NSL1: variants seen among roughly 807,000 people sequenced by gnomAD.
The protein encoded by NSL1 is kinetochore-associated protein NSL1 homolog.
Under a neutral mutation model 25.4 loss-of-function variants are expected in NSL1, and 11 were observed. That is an observed-to-expected ratio of 0.43 (90% confidence interval 0.27 to 0.72). The LOEUF (loss-of-function observed/expected upper bound fraction) is 0.72, where lower values mean the gene tolerates loss of function less well. NSL1 is among the 30% of genes least tolerant of loss of function. The pLI, the probability that NSL1 is intolerant of heterozygous loss-of-function variation, is 0.19. For synonymous variants in NSL1, 118 were observed against 120.6 expected, an observed-to-expected ratio of 0.98 and a Z score of 0.14; for missense variants, 330 against 342.7, an observed-to-expected ratio of 0.96 and a Z score of 0.29.
At chr1:212,789,061 C>G (rs1176903000) in intron 1 of NSL1, among the ~76,000 whole-genome samples, 1 of 152,102 alleles carries the variant, frequency 6.6e-6, no homozygotes, top group African/African-American at 2.4e-5. Flanking sequence ...CTTTATGCTA[C>G]TGTTTGAATT....
rs10717383 is a variant in NSL1 at position 212,749,339 on chromosome 1, G to GTTTTTTTTTTT, written c.500-9749_500-9739dup. Reference sequence around the variant, plus strand: ...CTTAAGGGATTTTGCGTTTTATTGTGTTTTTTTTTTTTTTTTTTTTTTTGA... The same window carrying GTTTTTTTTTTT: ...CTTAAGGGATTTTGCGTTTTATTGTGTTTTTTTTTTTTTTTTTTTTTTTTTTTTTTTTTTGA... On this transcript the variant is annotated intron_variant, in intron 4 of 5. Transcript: ENST00000366977. 3.6e-4 allele frequency among the ~76,000 whole-genome samples: 28 copies of GTTTTTTTTTTT among 76,930 alleles called. 1 individual carries two copies. The highest frequency in any genetic ancestry group is 1.0e-3 in the South Asian group (2 of 1,956). The allele number at this position is 76,930 out of a possible 152,430, so 50.5% of individuals were successfully genotyped here.
chr1:212,760,176 A>C lies in NSL1; in HGVS notation c.500-20575T>G, dbSNP rs1418289775. On this transcript the variant is annotated intron_variant, in intron 4 of 5. Transcript: ENST00000366977. The surrounding 1 kb of genome is among the most constrained non-coding windows in gnomAD (Gnocchi z 4.3). ...CACACACACCATAAGGGAGCTTAAC[A>C]GCAGGTCCAGCCTGTGGGCCACTGG... Among the ~76,000 whole-genome samples, 1 of 152,068 alleles carries C rather than the reference A, an allele frequency of 6.6e-6. No individual in the cohort carries two copies. Among genetic ancestry groups the C allele is most frequent in the Non-Finnish European group, 1.5e-5 (1 of 67,992 alleles).
At position 212,760,525 on chromosome 1, in the gene NSL1, G is replaced by A. The variant is rs1328982055; in HGVS notation, c.500-20924C>T. 6.6e-6 allele frequency among the ~76,000 whole-genome samples: 1 copy of A among 152,070 alleles called. No homozygotes were observed. The highest frequency in any genetic ancestry group is 1.5e-5 in the Non-Finnish European group (1 of 67,990). On this transcript the variant is annotated intron_variant, in intron 4 of 5. Coordinates refer to ENST00000366977, the MANE Select transcript of NSL1 (RefSeq NM_015471.4). The surrounding 1 kb of genome is among the most constrained non-coding windows in gnomAD (Gnocchi z 4.3). ...CACACACTCCTCCCCAGGGCTTGAG[G>A]ACGGGCCTGACTAGCCTATCATCAC...
chr1:212,770,450 C>T (rs1660049855), intron 4 of NSL1, among the ~76,000 whole-genome samples: 1 of 151,942 alleles, frequency 6.6e-6, no homozygotes, highest in Non-Finnish European at 1.5e-5. Context: ...ACATATACAA[C>T]CTACGTTGAT....
intron 4 of NSL1, among the ~76,000 whole-genome samples, chr1:212,744,648 T>C (rs1448973528): frequency 6.6e-6 from 1 of 152,066 alleles, no homozygotes; most frequent in African/African-American, 2.4e-5. Context: ...GAACAGAGAA[T>C]ACCAATGGCA....
Position 212,726,891 on chromosome 1 carries a change from GTCCC to G in NSL1, c.*11513_*11516del, listed in dbSNP as rs1241068882. ...AGCCCGGTCCCAGGGGCTGGATGGT[GTCCC>G]TCCCTCTGATGGACACCAGCACAGC... On this transcript the variant is annotated 3_prime_UTR_variant, in exon 6 of 6. Transcript: ENST00000366977. 2.5e-6 allele frequency: 1 copy of G among 392,560 alleles called. No homozygotes were observed. Among genetic ancestry groups the G allele is most frequent in the Non-Finnish European group, 4.5e-6 (1 of 221,356 alleles). 24.3% of individuals were successfully genotyped at this position (392,560 alleles called of 1,614,324 possible). A position where few individuals can be genotyped will look rare whatever the true frequency, so the allele number is the denominator to read the frequency against.
At chr1:212,743,829 C>T (rs1263403638) in intron 4 of NSL1, among the ~76,000 whole-genome samples, 2 of 152,074 alleles carry the variant, frequency 1.3e-5, no homozygotes, top group Non-Finnish European at 2.9e-5. Flanking sequence ...TTACCCTTGC[C>T]CCATTCCCTT....
rs1658269492 is a variant in NSL1 at position 212,737,333 on chromosome 1, T to C, written c.*1075A>G. 1.0e-6 allele frequency: 1 copy of C among 984,646 alleles called. No individual in the cohort carries two copies. The highest frequency in any genetic ancestry group is 1.7e-5 in the African/African-American group (1 of 57,232). 61.0% of individuals were successfully genotyped at this position (984,646 alleles called of 1,614,324 possible). The stretch of plus-strand genomic sequence containing the variant: ...GAATCTAGACATTTATGATTATTAA[T>C]ACATAATAAGCAAGAGAAATACAGA... On this transcript the variant is annotated 3_prime_UTR_variant, in exon 6 of 6. Coordinates refer to ENST00000366977, the MANE Select transcript of NSL1 (RefSeq NM_015471.4).
chr1:212,773,329 T>A (rs1370301794), intron 4 of NSL1, among the ~76,000 whole-genome samples: 3 of 147,114 alleles, frequency 2.0e-5, no homozygotes, highest in Non-Finnish European at 4.5e-5. Context: ...CTCAAATAAC[T>A]CAACAGCAAA....
At chr1:212,789,124 C>T (rs1661069259) in intron 1 of NSL1, among the ~76,000 whole-genome samples, 1 of 152,132 alleles carries the variant, frequency 6.6e-6, no homozygotes, top group Admixed American at 6.5e-5. Context: ...TAACATAAAC[C>T]AAATTACTGA....
chr1:212,744,308 A>G (rs1658654636), intron 4 of NSL1, among the ~76,000 whole-genome samples: 1 of 152,220 alleles, frequency 6.6e-6, no homozygotes, highest in Non-Finnish European at 1.5e-5. Flanking sequence ...GACTACAAAC[A>G]ACAAAAAACA....
chr1:212,764,570 T>G (rs1374104784), intron 4 of NSL1, among the ~76,000 whole-genome samples: 1 of 151,972 alleles, frequency 6.6e-6, no homozygotes, highest in East Asian at 1.9e-4. Context: ...TAAGCTCAAT[T>G]CACGGTGGCT....
At chr1:212,741,587 G>A (rs563524528) in intron 4 of NSL1, among the ~76,000 whole-genome samples, 1 of 152,260 alleles carries the variant, frequency 6.6e-6, no homozygotes, top group Non-Finnish European at 1.5e-5. Context: ...CTCTTCCTTT[G>A]CCTTCTGCCA....
rs1189092177 is a variant in NSL1 at position 212,780,307 on chromosome 1, G to A, written c.499+2065C>T. On this transcript the variant is annotated intron_variant, in intron 4 of 5. Coordinates refer to ENST00000366977, the MANE Select transcript of NSL1 (RefSeq NM_015471.4). ...TGTTAAACAGATGCTTGAAGGCAGCGTGCTCGTTGAGAGTCATCACCACTC... is the reference window on the plus strand; with the variant it reads ...TGTTAAACAGATGCTTGAAGGCAGCATGCTCGTTGAGAGTCATCACCACTC... Among the ~76,000 whole-genome samples, 7 of 149,982 alleles carry A rather than the reference G, an allele frequency of 4.7e-5. No individual in the cohort carries two copies. The East Asian group carries it at 5.8e-4, about 12-fold the overall frequency.
At position 212,768,677 on chromosome 1, in the gene NSL1, T is replaced by A. The variant is rs1373625210; in HGVS notation, c.499+13695A>T. Among the ~76,000 whole-genome samples the A allele has an allele frequency of 3.9e-5, 6 of 152,272 alleles. No individual in the cohort carries two copies. In the South Asian group the frequency reaches 8.3e-4, roughly 21 times the overall value. On this transcript the variant is annotated intron_variant, in intron 4 of 5. Transcript: ENST00000366977. ...ATAAGTGGGAGCTAAGCTATGAGGA[T>A]GCAAAGGCATAAGAATGATATAATA...
chr1:212,754,441 T>C (rs1659205305), intron 4 of NSL1, among the ~76,000 whole-genome samples: 1 of 151,990 alleles, frequency 6.6e-6, no homozygotes, highest in Non-Finnish European at 1.5e-5. Context: ...AACCGAGGGC[T>C]GAGACAGAGT....
intron 4 of NSL1, among the ~76,000 whole-genome samples, chr1:212,753,120 TAG>T (rs1659143582): frequency 6.6e-6 from 1 of 152,230 alleles, no homozygotes; most frequent in Non-Finnish European, 1.5e-5. Flanking sequence ...CTACAATTTA[TAG>T]AGATGTGTTG....
At chr1:212,756,049 T>C (rs1031640661) in intron 4 of NSL1, among the ~76,000 whole-genome samples, 2 of 152,096 alleles carry the variant, frequency 1.3e-5, no homozygotes, top group African/African-American at 4.8e-5. Flanking sequence ...ACCAGGTTAA[T>C]GTTGGATATC....
At chr1:212,790,935 TAAAATA>T (rs1266083296) in intron 1 of NSL1, among the ~76,000 whole-genome samples, 2 of 145,126 alleles carry the variant, frequency 1.4e-5, no homozygotes, top group African/African-American at 5.5e-5. Context: ...AAAAAAAAAA[TAAAATA>T]AAATAAATAA....
Sources: gnomAD v4.1 joint callset for allele counts (sites outside exome capture counted in the v4.1 genomes callset) on GRCh38, gnomAD v4.1.1 for gene constraint, Gnocchi (gnomAD v3.1) non-coding constraint, MANE v1.5 for transcripts, NCBI Gene and HGNC (gene_info 2026-07-23, HGNC 2026-07-21) for gene names.